TOX: variants seen among roughly 807,000 people sequenced by gnomAD.
TOX encodes the protein thymocyte selection-associated high mobility group box protein TOX.
TOX carries 11 observed loss-of-function variants against 53.7 expected under a neutral mutation model. The observed-to-expected ratio is 0.20, with a 90% CI of 0.13 to 0.34. TOX has a LOEUF of 0.34. TOX is among the 10% of genes least tolerant of loss of function. TOX has a pLI of 1.00. For missense variants in TOX, 570 were observed against 664.6 expected (o/e 0.86, Z 1.56); for synonymous variants, 225 against 245.3 (o/e 0.92, Z 0.77).
Position 58,928,630 on chromosome 8 carries a change from C to CTATATA in TOX, c.411+10666_411+10671dup, listed in dbSNP as rs35867322. Among the ~76,000 whole-genome samples, 20 of 150,154 alleles carry CTATATA rather than the reference C, an allele frequency of 1.3e-4. No individual in the cohort carries two copies. The South Asian group carries it at 1.7e-3, about 13-fold the overall frequency. Reference sequence around the variant, plus strand: ...CCTTTTCCTGTTAACTTTTCAAGCACTATATATATATATATACACACACAT... The same window carrying CTATATA: ...CCTTTTCCTGTTAACTTTTCAAGCACTATATATATATATATATATATACACACACAT... On this transcript the variant is annotated intron_variant, in intron 3 of 8. Transcript: ENST00000361421.
chr8:58,944,200 C>T (rs941864630), intron 2 of TOX, among the ~76,000 whole-genome samples: 11 of 152,086 alleles, frequency 7.2e-5, no homozygotes, highest in African/African-American at 2.2e-4. Context: ...CATCACTCTG[C>T]GGATGGGAAG....
At chr8:59,005,722 A>T (rs574769279) in intron 1 of TOX, among the ~76,000 whole-genome samples, 1 of 152,300 alleles carries the variant, frequency 6.6e-6, no homozygotes. Context: ...AGAATGATAG[A>T]TTTGCTCATT....
At chr8:59,023,735 G>C (rs527820012) in intron 1 of TOX, among the ~76,000 whole-genome samples, 15 of 152,230 alleles carry the variant, frequency 9.9e-5, no homozygotes, top group Non-Finnish European at 1.5e-5. Flanking sequence ...CTACAAAATG[G>C]GAATAGTAAT....
At chr8:59,008,959 T>C (rs1813845997) in intron 1 of TOX, among the ~76,000 whole-genome samples, 1 of 152,224 alleles carries the variant, frequency 6.6e-6, no homozygotes, top group South Asian at 2.1e-4. Context: ...ATAGATATGA[T>C]ACTGTAGTTC....
chr8:59,073,838 A>T (rs1168311573), intron 1 of TOX, among the ~76,000 whole-genome samples: 2 of 152,162 alleles, frequency 1.3e-5, no homozygotes, highest in Non-Finnish European at 2.9e-5. Flanking sequence ...ATATAGTCCT[A>T]AATTGTGACT....
chr8:59,054,986 G>A (rs1803865730), intron 1 of TOX, among the ~76,000 whole-genome samples: 1 of 137,984 alleles, frequency 7.2e-6, no homozygotes, highest in Non-Finnish European at 1.6e-5. Flanking sequence ...CGGAGGGAGG[G>A]AGGGAGGGAA....
At chr8:59,088,001 C>T (rs571404404) in intron 1 of TOX, among the ~76,000 whole-genome samples, 12 of 152,068 alleles carry the variant, frequency 7.9e-5, no homozygotes, top group Admixed American at 4.6e-4. Context: ...CACTGTCATG[C>T]GAATTTATGT....
At position 58,815,437 on chromosome 8, in the gene TOX, G is replaced by A; in HGVS notation, c.1293C>T (p.Leu431=). Residue 431 remains leucine, a synonymous_variant, in exon 7 of 9, where the codon CTC becomes CTT. Transcript: ENST00000361421. ...LQISPPLHQH[L]NMQQHQPLTM... ...TGAGCGGCTGGTGCTGCTGCATGTT[G>A]AGATGCTGGTGAAGAGGCGGGCTGA... is the stretch of plus-strand genomic sequence containing the variant. 1 of 1,614,176 alleles carries A rather than the reference G, an allele frequency of 6.2e-7. No homozygotes were observed. The highest frequency in any genetic ancestry group is 8.5e-7 in the Non-Finnish European group (1 of 1,180,034).
intron 1 of TOX, among the ~76,000 whole-genome samples, chr8:59,081,596 T>C (rs566766075): frequency 1.3e-5 from 2 of 152,312 alleles, no homozygotes; most frequent in South Asian, 4.1e-4. Context: ...CTCTGAAAAG[T>C]AGCACTTGAA....
intron 3 of TOX, among the ~76,000 whole-genome samples, chr8:58,866,341 A>C (rs1811101333): frequency 6.6e-6 from 1 of 152,242 alleles, no homozygotes. Context: ...ACTGCCAGAC[A>C]CTAAAAAGGA....
At chr8:58,929,137 T>G in intron 3 of TOX, among the ~76,000 whole-genome samples, 1 of 152,140 alleles carries the variant, frequency 6.6e-6, no homozygotes, top group Non-Finnish European at 1.5e-5. Context: ...CTGGGGAATT[T>G]GTATAGTCCA....
At chr8:59,108,770 A>G (rs1804959943) in intron 1 of TOX, among the ~76,000 whole-genome samples, 1 of 152,052 alleles carries the variant, frequency 6.6e-6, no homozygotes, top group Admixed American at 6.6e-5. Context: ...TTCACTTAAC[A>G]TTTTGGCTTC....
chr8:59,021,650 G>T (rs1814138378), intron 1 of TOX, among the ~76,000 whole-genome samples: 2 of 151,254 alleles, frequency 1.3e-5, no homozygotes, highest in African/African-American at 4.8e-5. Flanking sequence ...AAAATAGATT[G>T]GTTTTCTCGA....
At chr8:59,077,808 T>G (rs555870780) in intron 1 of TOX, among the ~76,000 whole-genome samples, 1 of 152,272 alleles carries the variant, frequency 6.6e-6, no homozygotes, top group South Asian at 2.1e-4. Context: ...AAAGGAAAAT[T>G]TATTTATTGG....
intron 1 of TOX, among the ~76,000 whole-genome samples, chr8:58,997,117 T>C (rs950909918): frequency 1.3e-5 from 2 of 152,224 alleles, no homozygotes; most frequent in Admixed American, 6.5e-5. Context: ...GGTAAGGCTA[T>C]CTCCAACACA....
intron 1 of TOX, among the ~76,000 whole-genome samples, chr8:59,057,358 C>T (rs973595086): frequency 6.6e-6 from 1 of 152,064 alleles, no homozygotes; most frequent in Non-Finnish European, 1.5e-5. Flanking sequence ...TATTTGCATA[C>T]AAGCAGAGGC....
At chr8:59,045,371 A>G (rs1803664090) in intron 1 of TOX, among the ~76,000 whole-genome samples, 1 of 152,202 alleles carries the variant, frequency 6.6e-6, no homozygotes, top group Admixed American at 6.5e-5. Flanking sequence ...GATTTTTCAA[A>G]AATGCCTCAG....
chr8:58,930,873 T>C (rs1812243903), intron 3 of TOX, among the ~76,000 whole-genome samples: 1 of 152,230 alleles, frequency 6.6e-6, no homozygotes, highest in African/African-American at 2.4e-5. Context: ...AACTAATGAC[T>C]GAAAGCTCAT....
At chr8:58,993,555 A>G (rs1481358310) in intron 1 of TOX, among the ~76,000 whole-genome samples, 1 of 152,226 alleles carries the variant, frequency 6.6e-6, no homozygotes, top group Non-Finnish European at 1.5e-5. Context: ...AACACATTTA[A>G]GAAAAGTTGA....
Sources: allele counts gnomAD v4.1 joint callset (sites outside exome capture counted in the v4.1 genomes callset), GRCh38; gene constraint gnomAD v4.1.1; transcripts MANE v1.5; gene names NCBI Gene and HGNC (gene_info 2026-07-23, HGNC 2026-07-21).